Variants in MACROD2 observed in about 807,000 individuals in gnomAD.
MACROD2 encodes the protein ADP-ribose glycohydrolase MACROD2.
In MACROD2, 36 loss-of-function variants were observed where a neutral mutation model predicts 70.4. The ratio of observed to expected loss-of-function variants is 0.51; its 90% CI spans 0.39 to 0.68. MACROD2 has a LOEUF of 0.68. Ranked by LOEUF, MACROD2 falls within the 30% of genes least tolerant of loss-of-function variation. The pLI, the probability that MACROD2 is intolerant of heterozygous loss-of-function variation, is 0.00. For missense variants in MACROD2, 496 were observed against 538.4 expected (o/e 0.92, Z 0.78); for synonymous variants, 172 against 178.8 (o/e 0.96, Z 0.30).
intron 6 of MACROD2, among the ~76,000 whole-genome samples, chr20:15,390,311 A>G (rs2045775632): frequency 6.6e-6 from 1 of 152,120 alleles, no homozygotes; most frequent in African/African-American, 2.4e-5. Flanking sequence ...CCCCCTATGA[A>G]ATACAGTGCC....
chr20:14,583,884 A>G (rs905195277), intron 4 of MACROD2, among the ~76,000 whole-genome samples: 1 of 152,134 alleles, frequency 6.6e-6, no homozygotes, highest in Non-Finnish European at 1.5e-5. Context: ...AATACTTGCT[A>G]CTGGTTTCCT....
At chr20:14,977,630 T>TA (rs1568908536) in intron 5 of MACROD2, among the ~76,000 whole-genome samples, 1 of 151,968 alleles carries the variant, frequency 6.6e-6, no homozygotes, top group African/African-American at 2.4e-5. Flanking sequence ...TTATAGGGTG[T>TA]TATGAGAGTC....
chr20:15,425,723 C>T (rs780581516), intron 6 of MACROD2, among the ~76,000 whole-genome samples: 44 of 152,316 alleles, frequency 2.9e-4, no homozygotes, highest in Admixed American at 1.4e-3. Flanking sequence ...CAGTCAGCCC[C>T]TTCCGATGGA....
chr20:15,264,279 C>A (rs2077273679), intron 6 of MACROD2, among the ~76,000 whole-genome samples: 1 of 152,122 alleles, frequency 6.6e-6, no homozygotes, highest in African/African-American at 2.4e-5. Context: ...TGTTTTCAAG[C>A]AGATATTTGA....
chr20:14,582,189 G>C (rs186574487), intron 4 of MACROD2, among the ~76,000 whole-genome samples: 1 of 152,092 alleles, frequency 6.6e-6, no homozygotes, highest in Admixed American at 6.5e-5. Context: ...AGCTAAGACA[G>C]TATGAAAGAG....
intron 13 of MACROD2, among the ~76,000 whole-genome samples, chr20:15,979,578 T>A (rs6043649): frequency 0.23 from 34,845 of 151,876 alleles, 4,235 homozygotes; most frequent in South Asian, 0.34. Flanking sequence ...CTGAATCTGC[T>A]TTGCACCTAT....
chr20:14,690,881 C>T (rs2071055032), intron 5 of MACROD2, among the ~76,000 whole-genome samples: 5 of 152,154 alleles, frequency 3.3e-5, no homozygotes, highest in Admixed American at 2.6e-4. Context: ...AAAAGTTTGC[C>T]AGCCCCTGGT....
At chr20:14,024,777 T>C (rs1265245215) in intron 2 of MACROD2, among the ~76,000 whole-genome samples, 2 of 152,364 alleles carry the variant, frequency 1.3e-5, no homozygotes, top group Middle Eastern at 3.4e-3. Flanking sequence ...GGTTCGCCAG[T>C]ACTTTATTGA....
At chr20:14,053,050 A>G (rs1345135699) in intron 2 of MACROD2, 1 of 150,244 alleles carries the variant, frequency 6.7e-6, no homozygotes, top group Non-Finnish European at 1.5e-5. Context: ...TGCTCTTAAG[A>G]GAGAATTTTG....
At chr20:15,813,696 T>C (rs2063843799) in intron 8 of MACROD2, among the ~76,000 whole-genome samples, 1 of 152,158 alleles carries the variant, frequency 6.6e-6, no homozygotes, top group Non-Finnish European at 1.5e-5. Context: ...GGAGGATCAC[T>C]TGAGCCCAGG....
intron 8 of MACROD2, among the ~76,000 whole-genome samples, chr20:15,774,569 G>A (rs895861564): frequency 1.3e-5 from 2 of 152,042 alleles, no homozygotes; most frequent in East Asian, 1.9e-4. Flanking sequence ...TGTGAAAGAA[G>A]GGAAGAGTCT....
At chr20:14,565,794 T>A (rs531956460) in intron 4 of MACROD2, among the ~76,000 whole-genome samples, 1 of 152,092 alleles carries the variant, frequency 6.6e-6, no homozygotes, top group South Asian at 2.1e-4. Flanking sequence ...GCTTGCTGCA[T>A]GACCCAAGGG....
chr20:15,667,035 A>C (rs1834386349), intron 8 of MACROD2, among the ~76,000 whole-genome samples: 1 of 152,170 alleles, frequency 6.6e-6, no homozygotes, highest in Admixed American at 6.5e-5. Flanking sequence ...CTATCAATCT[A>C]TCTATCATCT....
intron 4 of MACROD2, among the ~76,000 whole-genome samples, chr20:14,616,166 G>A (rs1381768942): frequency 6.6e-6 from 1 of 152,122 alleles, no homozygotes; most frequent in Admixed American, 6.6e-5. Context: ...AGAACATTCT[G>A]TCATGGCCAT....
chr20:15,868,583 C>T (rs866468323), intron 9 of MACROD2, among the ~76,000 whole-genome samples: 1 of 144,656 alleles, frequency 6.9e-6, no homozygotes, highest in Non-Finnish European at 1.5e-5. Flanking sequence ...AGTTTCATTG[C>T]TTCTTGGGCT....
chr20:14,026,452 A>G (rs1173279739), intron 2 of MACROD2, among the ~76,000 whole-genome samples: 1 of 152,094 alleles, frequency 6.6e-6, no homozygotes, highest in Non-Finnish European at 1.5e-5. Context: ...GGTCTTTACA[A>G]TTTGGTATGT....
intron 6 of MACROD2, among the ~76,000 whole-genome samples, chr20:15,385,976 G>T (rs2045707437): frequency 6.6e-6 from 1 of 152,104 alleles, no homozygotes; most frequent in African/African-American, 2.4e-5. Flanking sequence ...AATCTTTGGT[G>T]GTTTTTGAAA....
intron 5 of MACROD2, among the ~76,000 whole-genome samples, chr20:14,791,730 A>G (rs956298054): frequency 6.6e-6 from 1 of 152,078 alleles, no homozygotes. Flanking sequence ...AGAAATTCGT[A>G]TATGTAACTG....
At chr20:15,818,109 G>A (rs1245808996) in intron 8 of MACROD2, among the ~76,000 whole-genome samples, 1 of 152,032 alleles carries the variant, frequency 6.6e-6, no homozygotes, top group Non-Finnish European at 1.5e-5. Context: ...GGCTGTTGCT[G>A]GAAAGGGGTC....
Sources: gnomAD v4.1 joint callset for allele counts (sites outside exome capture counted in the v4.1 genomes callset) on GRCh38, gnomAD v4.1.1 for gene constraint, MANE v1.5 for transcripts, NCBI Gene and HGNC (gene_info 2026-07-23, HGNC 2026-07-21) for gene names.